PLCD3: variants seen among roughly 807,000 people sequenced by gnomAD.
PLCD3 encodes the protein phospholipase C delta 3, also known as 1-phosphatidylinositol 4,5-bisphosphate phosphodiesterase delta-3.
Under a neutral mutation model 82.8 loss-of-function variants are expected in PLCD3, and 62 were observed. The observed-to-expected ratio is 0.75, with a 90% CI of 0.61 to 0.93. The LOEUF (loss-of-function observed/expected upper bound fraction) is 0.93, where lower values mean the gene tolerates loss of function less well. PLCD3 is among the 40% of genes least tolerant of loss of function. The pLI is 0.00. For synonymous variants in PLCD3, 478 were observed against 471.8 expected (o/e 1.01, Z -0.17); for missense variants, 1,023 against 1,103.4 (o/e 0.93, Z 1.03).
intron 1 of PLCD3, among the ~76,000 whole-genome samples, chr17:45,125,326 T>C (rs2054373230): frequency 6.6e-6 from 1 of 152,016 alleles, no homozygotes; most frequent in African/African-American, 2.4e-5. Flanking sequence ...TAGCTGGGCA[T>C]GGTGGCTCAC....
intron 3 of PLCD3, 30 bp from the exon 4 acceptor site, chr17:45,120,484 C>T (rs769340205): frequency 7.4e-6 from 12 of 1,613,212 alleles, no homozygotes; most frequent in African/African-American, 4.0e-5. Flanking sequence ...AACAGCAACA[C>T]GCCAGGCTGC....
intron 1 of PLCD3, among the ~76,000 whole-genome samples, chr17:45,131,222 A>G (rs550553964): frequency 2.6e-5 from 4 of 151,598 alleles, no homozygotes; most frequent in South Asian, 2.1e-4. Flanking sequence ...AAAACTGGCA[A>G]TCAGGACCCC....
In PLCD3 at chr17:45,112,703, C is replaced by A; in HGVS notation, c.2283G>T (p.Gly761=). The A allele has an allele frequency of 1.9e-6, 3 of 1,603,836 alleles. No homozygotes were observed. The highest frequency in any genetic ancestry group is 2.3e-5 in the South Asian group (2 of 88,884). The change falls in exon 15 of 15, where the codon GGG becomes GGT. Residue 761 remains glycine (G), a splice_region_variant and synonymous_variant. Coordinates refer to ENST00000619929, the MANE Select transcript of PLCD3 (RefSeq NM_133373.5). ...FTLPLSSLKQ[G]YRHIHLLSKD... The stretch of plus-strand genomic sequence containing the variant: ...TGGAAAGCAGGTGTATGTGGCGGTA[C>A]CCTGTAGGGAGGACAGCCAGGCCTC...
Position 45,112,998 on chromosome 17 carries a change from A to G in PLCD3, c.2146T>C (p.Trp716Arg), listed in dbSNP as rs749295776. The G allele has an allele frequency of 6.2e-7, 1 of 1,607,036 alleles. No individual in the cohort carries two copies. The highest frequency in any genetic ancestry group is 1.7e-5 in the Admixed American group (1 of 59,506). Reference sequence around the variant, plus strand: ...AGCTGGAACTGCAGGGTCTGCCCCCAGCGGGGGTTGAAGCCTAGGGCACAG... The same window carrying G: ...AGCTGGAACTGCAGGGTCTGCCCCCGGCGGGGGTTGAAGCCTAGGGCACAG... ...YVLNNGFNPRWGQTLQFQLRA... is the reference protein window; with the variant it reads ...YVLNNGFNPRRGQTLQFQLRA... Residue 716 changes from tryptophan to arginine, a missense_variant, in exon 14 of 15, where the codon TGG becomes CGG. By Grantham distance (101) the Trp-to-Arg change is moderately radical. Transcript: ENST00000619929.
intron 8 of PLCD3, among the ~76,000 whole-genome samples, chr17:45,115,866 A>C (rs1193057194): frequency 1.3e-5 from 2 of 152,254 alleles, no homozygotes; most frequent in Non-Finnish European, 2.9e-5. Context: ...ACATATGTAC[A>C]CAGGTAATGT....
chr17:45,110,948 G>C lies in PLCD3; in HGVS notation c.*1668C>G, dbSNP rs1183813819. 1.3e-5 allele frequency: 2 copies of C among 152,260 alleles called. No individual in the cohort carries two copies. The highest frequency in any genetic ancestry group is 2.4e-5 in the African/African-American group (1 of 41,456). The allele number at this position is 152,260 out of a possible 1,614,324, so 9.4% of individuals were successfully genotyped here. A position where few individuals can be genotyped will look rare whatever the true frequency, so the allele number is the denominator to read the frequency against. On this transcript the variant is annotated 3_prime_UTR_variant, in exon 15 of 15. Coordinates refer to ENST00000619929, the MANE Select transcript of PLCD3 (RefSeq NM_133373.5). ...AGAAGGTGGAGTCTGCCCCAGCCCT[G>C]TGTTTTGGTTTCTGTGGGGCTTGGG...
intron 1 of PLCD3, among the ~76,000 whole-genome samples, chr17:45,125,548 A>T (rs2054375178): frequency 6.6e-6 from 1 of 152,268 alleles, no homozygotes; most frequent in African/African-American, 2.4e-5. Context: ...GCGAGCTGAG[A>T]TTGTGCCACT....
In PLCD3 at chr17:45,115,374, CTCT is replaced by C. The variant is rs764837403; in HGVS notation, c.1527_1529del (p.Glu511del). 5.4e-5 allele frequency: 86 copies of C among 1,589,726 alleles called. 1 individual carries two copies. Among genetic ancestry groups the C allele is most frequent in the East Asian group, 4.8e-4 (21 of 43,452 alleles). ...GCCTCTGCGCTGCAGCCTCCACCTCCTCTTCTTCCTCCTCGTCATCCTCCTCCT... is the reference window on the plus strand; with the variant it reads ...GCCTCTGCGCTGCAGCCTCCACCTCCTCTTCCTCCTCGTCATCCTCCTCCT... On this transcript the variant is annotated inframe_deletion, in exon 9 of 15. Transcript: ENST00000619929.
intron 1 of PLCD3, among the ~76,000 whole-genome samples, chr17:45,125,492 G>C (rs980165486): frequency 6.6e-6 from 1 of 152,250 alleles, no homozygotes; most frequent in African/African-American, 2.4e-5. Flanking sequence ...AGCTACTAGG[G>C]AGGCTAAGGC....
rs759016125 is a variant in PLCD3 at position 45,112,715 on chromosome 17, G to T, written c.2282-11C>A. 7 of 1,600,724 alleles carry T rather than the reference G, an allele frequency of 4.4e-6. No homozygotes were observed. The highest frequency in any genetic ancestry group is 5.1e-6 in the Non-Finnish European group (6 of 1,173,814). ...GTATGTGGCGGTACCCTGTAGGGAG[G>T]ACAGCCAGGCCTCAGGTCCTCTGTG... On this transcript the variant is annotated splice_polypyrimidine_tract_variant and intron_variant, in intron 14 of 14. Transcript: ENST00000619929.
rs537500489 is a variant in PLCD3 at position 45,111,863 on chromosome 17, C to G, written c.*753G>C. On this transcript the variant is annotated 3_prime_UTR_variant, in exon 15 of 15. Coordinates refer to ENST00000619929, the MANE Select transcript of PLCD3 (RefSeq NM_133373.5). The stretch of plus-strand genomic sequence containing the variant: ...AACATAGGGAGACCCCCGCCCCCCC[C>G]GCCATCTCTACATAAAATTTAAACA... 2.0e-5 allele frequency: 3 copies of G among 152,436 alleles called. No homozygotes were observed. Among genetic ancestry groups the G allele is most frequent in the South Asian group, 4.1e-4 (2 of 4,838 alleles). The allele number at this position is 152,436 out of a possible 1,614,324, so 9.4% of individuals were successfully genotyped here.
rs199839471 is a variant in PLCD3 at position 45,110,081 on chromosome 17, AAAAC to A, written c.*2531_*2534del. ...CGACAGAGCGAGACTCCATCTCAAA[AAAAC>A]AAACAAAAAAAAAACCCTGTGATTT... On this transcript the variant is annotated 3_prime_UTR_variant, in exon 15 of 15. Coordinates refer to ENST00000619929, the MANE Select transcript of PLCD3 (RefSeq NM_133373.5). 14 of 151,964 alleles carry A rather than the reference AAAAC, an allele frequency of 9.2e-5. No individual in the cohort carries two copies. In the East Asian group the frequency reaches 2.0e-3, roughly 21 times the overall value. 9.4% of individuals were successfully genotyped at this position (151,964 alleles called of 1,614,324 possible).
At chr17:45,113,655 A>C in intron 11 of PLCD3, 50 bp from the exon 12 acceptor site, 1 of 1,539,492 alleles carries the variant, frequency 6.5e-7, no homozygotes. Flanking sequence ...CCCTGTTCTC[A>C]CTACTCAGTT....
rs755179990 is a variant in PLCD3, at chr17:45,118,032, G to A, written c.1222C>T (p.Arg408Trp). The change falls in exon 7 of 15, where the codon CGG becomes TGG. Residue 408 changes from arginine to tryptophan, a missense_variant. By Grantham distance (101) the Arg-to-Trp change is moderately radical (BLOSUM62 -3). Transcript: ENST00000619929. This position sits in a 1 kb window ranked among gnomAD's most constrained non-coding sequence, Gnocchi z 4.1. ...TCGCGCACGGCTTGGACCACGTCCCGGAAGAGAATCTTGGAGGTGAGGGTA... is the reference window on the plus strand; with the variant it reads ...TCGCGCACGGCTTGGACCACGTCCCAGAAGAGAATCTTGGAGGTGAGGGTA... Reference protein sequence around the residue: ...GHTLTSKILFRDVVQAVRDHA... With the variant: ...GHTLTSKILFWDVVQAVRDHA... 60 of 1,613,524 alleles carry A rather than the reference G, an allele frequency of 3.7e-5. 1 individual carries two copies. Among genetic ancestry groups the A allele is most frequent in the South Asian group, 1.6e-4 (15 of 90,988 alleles).
At chr17:45,116,083 T>A (rs554897912) in intron 8 of PLCD3, among the ~76,000 whole-genome samples, 1 of 152,164 alleles carries the variant, frequency 6.6e-6, no homozygotes, top group African/African-American at 2.4e-5. Context: ...CCTGCCTGCA[T>A]GTTGGGGATT....
chr17:45,123,715 A>G (rs1050072582), intron 1 of PLCD3, among the ~76,000 whole-genome samples: 1 of 152,152 alleles, frequency 6.6e-6, no homozygotes, highest in African/African-American at 2.4e-5. Flanking sequence ...CACTTTGACC[A>G]TGACTGAAAA....
At chr17:45,115,018 C>T in intron 10 of PLCD3, 76 bp downstream of exon 10, 2 of 1,520,426 alleles carry the variant, frequency 1.3e-6, no homozygotes, top group Non-Finnish European at 1.8e-6. Flanking sequence ...CCAAAGCCCC[C>T]TCAACTCCTT....
At position 45,111,547 on chromosome 17, in the gene PLCD3, A is replaced by G. The variant is rs2054242171; in HGVS notation, c.*1069T>C. 6.6e-6 allele frequency: 1 copy of G among 152,228 alleles called. No individual in the cohort carries two copies. The highest frequency in any genetic ancestry group is 1.5e-5 in the Non-Finnish European group (1 of 68,090). The allele number at this position is 152,228 out of a possible 1,614,324, so 9.4% of individuals were successfully genotyped here. On this transcript the variant is annotated 3_prime_UTR_variant, in exon 15 of 15. Coordinates refer to ENST00000619929, the MANE Select transcript of PLCD3 (RefSeq NM_133373.5). ...CCCCCTGGCTGTCTTAGCCAAGTCCATGCCCTGTTGAGGGGAGAGGCCCAA... is the reference window on the plus strand; with the variant it reads ...CCCCCTGGCTGTCTTAGCCAAGTCCGTGCCCTGTTGAGGGGAGAGGCCCAA...
rs1337870768 is a variant in PLCD3 at position 45,118,839 on chromosome 17, G to A, written c.889C>T (p.Gln297Ter). The change falls in exon 5 of 15, where the codon CAG (glutamine) becomes TAG (stop). Residue 297 changes from glutamine to a stop codon, truncating the protein, a stop_gained. Transcript: ENST00000619929. LOFTEE classifies it high-confidence loss of function. The surrounding 1 kb of genome is among the most constrained non-coding windows in gnomAD (Gnocchi z 4.1). ...CCTGTCTCGTTGAGCTCATAGGTCTGAATGAGCTGCTGGGCGCGGGCCAGT... is the reference window on the plus strand; with the variant it reads ...CCTGTCTCGTTGAGCTCATAGGTCTAAATGAGCTGCTGGGCGCGGGCCAGT... Reference protein sequence around the residue: ...ATLARAQQLIQTYELNETAKQ... With the variant: ...ATLARAQQLI 3 of 1,610,772 alleles carry A rather than the reference G, an allele frequency of 1.9e-6. No homozygotes were observed. Among genetic ancestry groups the A allele is most frequent in the Non-Finnish European group, 1.7e-6 (2 of 1,179,234 alleles).
Sources: gnomAD v4.1 joint callset for allele counts (sites outside exome capture counted in the v4.1 genomes callset) on GRCh38, gnomAD v4.1.1 for gene constraint, Gnocchi (gnomAD v3.1) non-coding constraint, MANE v1.5 for transcripts, NCBI Gene and HGNC (gene_info 2026-07-23, HGNC 2026-07-21) for gene names.